Variants in DMD observed in about 807,000 individuals in gnomAD.
The protein encoded by DMD is dystrophin, also known as mutant dystrophin.
In DMD, 63 loss-of-function variants were observed where a neutral mutation model predicts 330.1. The ratio of observed to expected loss-of-function variants is 0.19; its 90% CI spans 0.16 to 0.24. DMD has a LOEUF of 0.24. Among genes scored for constraint, DMD ranks in the 10% least tolerant of loss-of-function variants. The probability of loss-of-function intolerance (pLI) is 1.00; values close to 1 mark genes in which losing one functional copy is unlikely to be tolerated. For synonymous variants in DMD, 1,223 were observed against 959.8 expected (o/e 1.27, Z -5.07); for missense variants, 3,344 against 2,684.1 (o/e 1.25, Z -5.43).
At chrX:31,587,923 C>T (rs1047720780) in intron 55 of DMD, among the ~76,000 whole-genome samples, 1 of 111,647 alleles carries the variant, frequency 9.0e-6, no homozygotes, top group South Asian at 3.8e-4. Context: ...AGGACACGTC[C>T]TAAATCAGTG....
At chrX:32,507,049 G>A (rs1244964959) in intron 18 of DMD, among the ~76,000 whole-genome samples, 1 of 111,410 alleles carries the variant, frequency 9.0e-6, no homozygotes, top group Non-Finnish European at 1.9e-5. Flanking sequence ...TCCATTAAAA[G>A]GTAAATGTTA....
intron 1 of DMD, among the ~76,000 whole-genome samples, chrX:33,096,182 G>T (rs1217389453): frequency 9.1e-6 from 1 of 109,558 alleles, no homozygotes; most frequent in African/African-American, 3.3e-5. Flanking sequence ...CACCATGTTA[G>T]CCAGGATGGT....
At chrX:33,096,495 AGAC>A (rs1249660787) in intron 1 of DMD, among the ~76,000 whole-genome samples, 4 of 107,495 alleles carry the variant, frequency 3.7e-5, no homozygotes, top group Non-Finnish European at 5.8e-5. Flanking sequence ...TATATTTTGG[AGAC>A]GACTTTTTTT....
At chrX:32,009,355 G>A (rs1409826280) in intron 44 of DMD, among the ~76,000 whole-genome samples, 1 of 111,723 alleles carries the variant, frequency 9.0e-6, no homozygotes, top group African/African-American at 3.3e-5. Flanking sequence ...AACACACAAC[G>A]TTATCATAAT....
intron 9 of DMD, among the ~76,000 whole-genome samples, chrX:32,670,883 C>A (rs1446219402): frequency 9.0e-6 from 1 of 110,975 alleles, no homozygotes; most frequent in Admixed American, 9.6e-5. Flanking sequence ...CTGTGAATGC[C>A]AAAAGCATTG....
intron 59 of DMD, among the ~76,000 whole-genome samples, chrX:31,446,783 C>T (rs901489995): frequency 3.6e-5 from 4 of 112,009 alleles, no homozygotes; most frequent in Non-Finnish European, 5.6e-5. Context: ...ACAAGGACAA[C>T]GGTTACAAAA....
Position 31,819,994 on chromosome X carries a change from T to C in DMD, c.7290A>G (p.Gly2430=), listed in dbSNP as rs2092718091. The change falls in exon 50 of 79, where the codon GGA becomes GGG. Residue 2430 remains glycine (G), a synonymous_variant. Transcript: ENST00000357033. ...LRAKQPDLAP[G]LTTIGASPTQ... ...ACTTACAGGCTCCAATAGTGGTCAG[T>C]CCAGGAGCTAGGTCAGGCTGCTTTG... is the stretch of plus-strand genomic sequence containing the variant. The C allele has an allele frequency of 3.3e-6, 4 of 1,210,905 alleles. No individual in the cohort carries two copies. Among genetic ancestry groups the C allele is most frequent in the Non-Finnish European group, 4.5e-6 (4 of 894,534 alleles).
At chrX:31,638,712 T>C (rs890134087) in intron 54 of DMD, among the ~76,000 whole-genome samples, 4 of 112,659 alleles carry the variant, frequency 3.6e-5, no homozygotes, top group Non-Finnish European at 5.6e-5. Context: ...TGCAGGTATA[T>C]CTGTGTTGTT....
At chrX:31,856,314 C>T (rs2093612490) in intron 48 of DMD, among the ~76,000 whole-genome samples, 1 of 111,771 alleles carries the variant, frequency 8.9e-6, no homozygotes, top group Non-Finnish European at 1.9e-5. Context: ...GTAACAATTC[C>T]ACTTCTAGGT....
chrX:32,755,367 G>T (rs767842324), intron 7 of DMD, among the ~76,000 whole-genome samples: 13 of 111,108 alleles, frequency 1.2e-4, no homozygotes, highest in Non-Finnish European at 2.5e-4. Flanking sequence ...GGAAGATACG[G>T]AAGTGAGCAC....
intron 13 of DMD, among the ~76,000 whole-genome samples, chrX:32,578,313 A>G (rs1285832202): frequency 8.9e-6 from 1 of 112,501 alleles, no homozygotes; most frequent in Non-Finnish European, 1.9e-5. Context: ...TTCTACACAT[A>G]AATGTAAAAC....
intron 59 of DMD, among the ~76,000 whole-genome samples, chrX:31,474,694 G>A (rs1210980899): frequency 1.0e-5 from 1 of 99,248 alleles, no homozygotes; most frequent in African/African-American, 3.8e-5. Context: ...GGGTGACAGA[G>A]CGAGACTGTC....
At chrX:32,705,554 C>A (rs1464010167) in intron 7 of DMD, among the ~76,000 whole-genome samples, 3 of 111,794 alleles carry the variant, frequency 2.7e-5, no homozygotes, top group Non-Finnish European at 5.6e-5. Context: ...TAGCTCATGC[C>A]TGTAATCCCA....
chrX:31,237,604 T>C (rs2047854972), intron 63 of DMD, among the ~76,000 whole-genome samples: 1 of 112,578 alleles, frequency 8.9e-6, no homozygotes, highest in African/African-American at 3.2e-5. Flanking sequence ...TGACATAGAC[T>C]GAGGTGCTTT....
chrX:31,379,499 TATTCTC>T (rs2060050730), intron 60 of DMD, among the ~76,000 whole-genome samples: 1 of 111,469 alleles, frequency 9.0e-6, no homozygotes, highest in Non-Finnish European at 1.9e-5. Flanking sequence ...AAGGCCGTCT[TATTCTC>T]AATATATATT....
intron 29 of DMD, among the ~76,000 whole-genome samples, chrX:32,419,434 T>C (rs1001497763): frequency 1.2e-4 from 13 of 112,383 alleles, no homozygotes; most frequent in Non-Finnish European, 2.4e-4. Context: ...CCACTTTAAA[T>C]ATAACTCTTG....
intron 63 of DMD, among the ~76,000 whole-genome samples, chrX:31,256,041 G>C (rs148989053): frequency 0.012 from 1,356 of 110,215 alleles, 16 homozygotes; most frequent in African/African-American, 0.043. Context: ...CTCCCAAAGT[G>C]CTGGGATTAC....
At chrX:31,404,651 G>A (rs376396660) in intron 60 of DMD, among the ~76,000 whole-genome samples, 1 of 111,703 alleles carries the variant, frequency 9.0e-6, no homozygotes, top group Non-Finnish European at 1.9e-5. Flanking sequence ...TTAAATTTGT[G>A]ATTTCATTAT....
intron 9 of DMD, among the ~76,000 whole-genome samples, chrX:32,689,388 G>A (rs762267880): frequency 9.0e-5 from 10 of 111,034 alleles, no homozygotes; most frequent in Non-Finnish European, 1.7e-4. Flanking sequence ...AGTCTGAATA[G>A]ATCAATACAA....
Sources: allele counts gnomAD v4.1 joint callset (sites outside exome capture counted in the v4.1 genomes callset), GRCh38; gene constraint gnomAD v4.1.1; transcripts MANE v1.5; gene names NCBI Gene and HGNC (gene_info 2026-07-23, HGNC 2026-07-21).